ZDHHC21: variants seen among roughly 807,000 people sequenced by gnomAD.
The protein encoded by ZDHHC21 is zDHHC palmitoyltransferase 21, also known as palmitoyltransferase ZDHHC21.
A neutral mutation model predicts 34.6 loss-of-function variants in ZDHHC21; 15 were observed. That is an observed-to-expected ratio of 0.43 (90% CI 0.29 to 0.67). The LOEUF is 0.67. ZDHHC21 is among the 30% of genes least tolerant of loss of function. The pLI is 0.14. For synonymous variants in ZDHHC21, 142 were observed against 101.8 expected (o/e 1.40, Z -2.38); for missense variants, 344 against 327.7 (o/e 1.05, Z -0.38).
chr9:14,633,203 T>A (rs1321601282), intron 8 of ZDHHC21, among the ~76,000 whole-genome samples: 1 of 152,036 alleles, frequency 6.6e-6, no homozygotes, highest in Non-Finnish European at 1.5e-5. Flanking sequence ...AAATATATCA[T>A]CTAAGAGAGA....
rs764802528 is a variant in ZDHHC21 at position 14,662,318 on chromosome 9, A to G, written c.262T>C (p.Phe88Leu). Residue 88 changes from phenylalanine (F) to leucine (L), a missense_variant, in exon 6 of 10, where the codon TTC becomes CTC. Coordinates refer to ENST00000380916, the MANE Select transcript of ZDHHC21 (RefSeq NM_178566.6). ...TTACACTTGTTACATAATTCCCAGA[A>G]CTCCCTTTCTAAAGAAAAGAAATTA... ...NPKIPHGERE[F>L]WELCNKCNLM... 1 of 1,605,022 alleles carries G rather than the reference A, an allele frequency of 6.2e-7. No individual in the cohort carries two copies. Among genetic ancestry groups the G allele is most frequent in the Non-Finnish European group, 8.5e-7 (1 of 1,177,112 alleles).
At chr9:14,598,566 C>T in the ZDHHC21 span, among the ~76,000 whole-genome samples, 1 of 151,846 alleles carries the variant, frequency 6.6e-6, no homozygotes, top group South Asian at 2.1e-4. Flanking sequence ...TGTGACATGT[C>T]CAAAAGAACA....
intron 7 of ZDHHC21, among the ~76,000 whole-genome samples, chr9:14,654,074 A>C (rs1038272055): frequency 1.3e-5 from 2 of 152,000 alleles, no homozygotes; most frequent in Non-Finnish European, 2.9e-5. Flanking sequence ...TGAAAAGTCA[A>C]GTAGAACCGG....
chr9:14,608,682 C>T (rs115020579), downstream of ZDHHC21, among the ~76,000 whole-genome samples: 296 of 151,402 alleles, frequency 2.0e-3, 1 homozygote, highest in African/African-American at 7.0e-3. Context: ...CAAGCTAACA[C>T]ATATCCTCTA....
chr9:14,679,336 G>A (rs1247635331), intron 3 of ZDHHC21, among the ~76,000 whole-genome samples: 1 of 152,092 alleles, frequency 6.6e-6, no homozygotes, highest in Non-Finnish European at 1.5e-5. Flanking sequence ...CTAAGTCATA[G>A]GTATTCCGAT....
At chr9:14,679,132 G>A (rs560205423) in intron 3 of ZDHHC21, among the ~76,000 whole-genome samples, 15 of 152,050 alleles carry the variant, frequency 9.9e-5, no homozygotes, top group Admixed American at 2.6e-4. Context: ...GCATGTCATG[G>A]TACGTAAATT....
At position 14,614,034 on chromosome 9, in the gene ZDHHC21, T is replaced by C. The variant is rs1269229545; in HGVS notation, c.*4932A>G. 2 of 151,780 alleles carry C rather than the reference T, an allele frequency of 1.3e-5. No individual in the cohort carries two copies. Among genetic ancestry groups the C allele is most frequent in the Non-Finnish European group, 3.0e-5 (2 of 67,778 alleles). 9.4% of individuals were successfully genotyped at this position (151,780 alleles called of 1,614,324 possible). On this transcript the variant is annotated 3_prime_UTR_variant, in exon 10 of 10. Transcript: ENST00000380916. The stretch of plus-strand genomic sequence containing the variant: ...ATTCAAACTAAATGCTTATATGCAC[T>C]AACAACTCTTCCCATAAAAATGGTA...
At chr9:14,590,345 G>A in the ZDHHC21 span, among the ~76,000 whole-genome samples, 1 of 151,862 alleles carries the variant, frequency 6.6e-6, no homozygotes, top group African/African-American at 2.4e-5. Flanking sequence ...GTAAGGAATT[G>A]GACAAAATAT....
chr9:14,604,693 C>T, the ZDHHC21 span, among the ~76,000 whole-genome samples: 1 of 152,108 alleles, frequency 6.6e-6, no homozygotes, highest in Non-Finnish European at 1.5e-5. Flanking sequence ...CTTCACATTA[C>T]TTTTTATTGT....
chr9:14,672,728 T>G, intron 5 of ZDHHC21, 102 bp downstream of exon 5: 1 of 740,280 alleles, frequency 1.4e-6, no homozygotes, highest in Non-Finnish European at 2.1e-6. Flanking sequence ...CAAAGTGGTG[T>G]TAGATGACAT....
chr9:14,601,744 C>T, the ZDHHC21 span, among the ~76,000 whole-genome samples: 1 of 152,152 alleles, frequency 6.6e-6, no homozygotes, highest in South Asian at 2.1e-4. Context: ...TATGAACCAA[C>T]CCAGTTGTGC....
intron 7 of ZDHHC21, among the ~76,000 whole-genome samples, chr9:14,655,638 A>T: frequency 6.6e-6 from 1 of 151,922 alleles, no homozygotes; most frequent in South Asian, 2.1e-4. Context: ...CTTCAAAAAA[A>T]TCAGAATAAT....
chr9:14,610,393 C>T (rs919467114), downstream of ZDHHC21, among the ~76,000 whole-genome samples: 1 of 151,906 alleles, frequency 6.6e-6, no homozygotes, highest in Non-Finnish European at 1.5e-5. Flanking sequence ...TTCGGACAAA[C>T]CTGCTTTGAC....
chr9:14,656,771 A>G (rs1437965803), intron 7 of ZDHHC21, among the ~76,000 whole-genome samples: 3 of 151,934 alleles, frequency 2.0e-5, no homozygotes, highest in African/African-American at 7.2e-5. Flanking sequence ...TTTGATTTTC[A>G]TTTGCTAAAA....
intron 5 of ZDHHC21, among the ~76,000 whole-genome samples, chr9:14,664,514 A>C (rs1246398444): frequency 6.6e-6 from 1 of 151,790 alleles, no homozygotes; most frequent in Non-Finnish European, 1.5e-5. Flanking sequence ...ACCACAGCTC[A>C]AGGAGGCCTG....
At chr9:14,674,413 T>C in intron 3 of ZDHHC21, 28 bp from the exon 4 acceptor site, 1 of 1,427,420 alleles carries the variant, frequency 7.0e-7, no homozygotes, top group Non-Finnish European at 9.4e-7. Context: ...AGAAAATAAT[T>C]ACTTACATAG....
chr9:14,684,670 A>G (rs898289714), intron 2 of ZDHHC21, among the ~76,000 whole-genome samples: 2 of 152,052 alleles, frequency 1.3e-5, no homozygotes, highest in African/African-American at 4.8e-5. Flanking sequence ...TCAAGCTACC[A>G]ATGCCTTTCT....
At chr9:14,593,210 T>A in the ZDHHC21 span, among the ~76,000 whole-genome samples, 1 of 152,104 alleles carries the variant, frequency 6.6e-6, no homozygotes, top group Non-Finnish European at 1.5e-5. Flanking sequence ...TAAAAGTATG[T>A]ATTTTAAACA....
At chr9:14,623,832 A>G (rs577579581) in intron 8 of ZDHHC21, among the ~76,000 whole-genome samples, 2 of 152,104 alleles carry the variant, frequency 1.3e-5, no homozygotes, top group Non-Finnish European at 2.9e-5. Context: ...TATTATCAAA[A>G]ATACAAAAGG....
Sources: gnomAD v4.1 joint callset for allele counts (sites outside exome capture counted in the v4.1 genomes callset) on GRCh38, gnomAD v4.1.1 for gene constraint, MANE v1.5 for transcripts, NCBI Gene and HGNC (gene_info 2026-07-23, HGNC 2026-07-21) for gene names.